FRMD4A: variants seen among roughly 807,000 people sequenced by gnomAD.
FRMD4A encodes FERM domain-containing protein 4A.
A neutral mutation model predicts 129.1 loss-of-function variants in FRMD4A; 29 were observed. The ratio of observed to expected loss-of-function variants is 0.22; its 90% CI spans 0.17 to 0.31. The LOEUF (loss-of-function observed/expected upper bound fraction) is 0.31, where lower values mean the gene tolerates loss of function less well. Ranked by LOEUF, FRMD4A falls within the 10% of genes least tolerant of loss-of-function variation. The pLI, the probability that FRMD4A is intolerant of heterozygous loss-of-function variation, is 1.00. For synonymous variants in FRMD4A, 634 were observed against 571.6 expected, an observed-to-expected ratio of 1.11 and a Z score of -1.56; for missense variants, 1,272 against 1,375.8, an observed-to-expected ratio of 0.92 and a Z score of 1.19.
chr10:14,089,648 A>AC (rs1234655551), intron 2 of FRMD4A, among the ~76,000 whole-genome samples: 2 of 151,740 alleles, frequency 1.3e-5, no homozygotes, highest in African/African-American at 4.8e-5. Flanking sequence ...AACAAACAAA[A>AC]AAAAAACAGA....
chr10:13,963,820 C>A (rs985222922), intron 2 of FRMD4A, among the ~76,000 whole-genome samples: 1 of 152,156 alleles, frequency 6.6e-6, no homozygotes, highest in Non-Finnish European at 1.5e-5. Context: ...TAGGTCATTG[C>A]AGGCCTGGCT....
intron 2 of FRMD4A, among the ~76,000 whole-genome samples, chr10:13,900,647 G>A (rs568352617): frequency 7.2e-5 from 11 of 151,936 alleles, no homozygotes; most frequent in Non-Finnish European, 1.3e-4. Flanking sequence ...CTGTAATCCC[G>A]GGACTTTGGG....
chr10:13,686,168 C>A (rs1174366572), intron 15 of FRMD4A, among the ~76,000 whole-genome samples: 1 of 152,244 alleles, frequency 6.6e-6, no homozygotes, highest in Non-Finnish European at 1.5e-5. Flanking sequence ...CCCCTGGAAT[C>A]CTGTCCATTG....
chr10:14,283,036 G>A (rs1845572435), intron 2 of FRMD4A, among the ~76,000 whole-genome samples: 1 of 152,200 alleles, frequency 6.6e-6, no homozygotes, highest in Non-Finnish European at 1.5e-5. Context: ...CATTGCCACT[G>A]GACATTTAAG....
chr10:14,243,040 C>G (rs961340919), intron 2 of FRMD4A, among the ~76,000 whole-genome samples: 3 of 109,068 alleles, frequency 2.8e-5, no homozygotes, highest in Non-Finnish European at 4.0e-5. Flanking sequence ...GTCTGTCTAT[C>G]TATCTGTCCA....
At chr10:13,736,817 CG>C (rs1177895766) in intron 12 of FRMD4A, among the ~76,000 whole-genome samples, 1 of 152,188 alleles carries the variant, frequency 6.6e-6, no homozygotes, top group African/African-American at 2.4e-5. Context: ...TATTCTCCAC[CG>C]GGGGATCTGA....
At position 14,330,136 on chromosome 10, in the gene FRMD4A, G is replaced by T; in HGVS notation, c.-34C>A. The T allele has an allele frequency of 1.3e-6, 2 of 1,550,332 alleles. No homozygotes were observed. Among genetic ancestry groups the T allele is most frequent in the Non-Finnish European group, 8.7e-7 (1 of 1,146,244 alleles). On this transcript the variant is annotated 5_prime_UTR_variant, in exon 2 of 25. It introduces an in-frame stop codon into an upstream open reading frame of the 5' UTR. Coordinates refer to ENST00000357447, the MANE Select transcript of FRMD4A (RefSeq NM_018027.5). ...ATTCCCATGCACGAATCCTGCTGCC[G>T]AGTCAGTCCTCCTGGGCCCCGGGTG...
intron 2 of FRMD4A, among the ~76,000 whole-genome samples, chr10:14,090,122 G>A (rs1438303341): frequency 6.6e-6 from 1 of 152,118 alleles, no homozygotes; most frequent in African/African-American, 2.4e-5. Flanking sequence ...AGAAATAACC[G>A]TAAGGGAAAA....
rs555946512 is a variant in FRMD4A, at chr10:13,839,959, A to C, written c.111+18888T>G. On this transcript the variant is annotated intron_variant, in intron 3 of 24. Transcript: ENST00000357447. ...AAAGCAGAGGCCCATCCCAGGCAGC[A>C]CAGTGTGTCCCTATAAAAATGACGG... Among the ~76,000 whole-genome samples the C allele has an allele frequency of 5.3e-5, 8 of 152,348 alleles. No individual in the cohort carries two copies. In the East Asian group the frequency reaches 1.2e-3, roughly 22 times the overall value.
chr10:14,122,650 C>A (rs1194195633), intron 2 of FRMD4A, among the ~76,000 whole-genome samples: 1 of 151,918 alleles, frequency 6.6e-6, no homozygotes, highest in Non-Finnish European at 1.5e-5. Context: ...GATTAGTTCT[C>A]GCGAGACCTC....
chr10:13,837,021 TGCTGGGATTACA>T (rs2130959784), intron 3 of FRMD4A, among the ~76,000 whole-genome samples: 1 of 152,144 alleles, frequency 6.6e-6, no homozygotes, highest in Non-Finnish European at 1.5e-5. Context: ...CCTCTCAAAG[TGCTGGGATTACA>T]GGCATGAGCC....
intron 8 of FRMD4A, among the ~76,000 whole-genome samples, chr10:13,760,593 T>C (rs181214376): frequency 6.6e-6 from 1 of 152,122 alleles, no homozygotes; most frequent in Non-Finnish European, 1.5e-5. Flanking sequence ...GAGAAAGCAG[T>C]TGAGACCTGA....
At chr10:13,823,596 T>C (rs182305844) in intron 3 of FRMD4A, among the ~76,000 whole-genome samples, 5 of 152,274 alleles carry the variant, frequency 3.3e-5, no homozygotes, top group African/African-American at 9.6e-5. Context: ...TTTTTTGTTG[T>C]TGTTGTTAAA....
intron 2 of FRMD4A, among the ~76,000 whole-genome samples, chr10:14,021,252 TG>T (rs1367581473): frequency 3.3e-5 from 5 of 151,968 alleles, no homozygotes. Context: ...ATATAAAAGC[TG>T]GGGGGTCCAG....
chr10:13,782,140 AT>A (rs749502560), intron 6 of FRMD4A, among the ~76,000 whole-genome samples: 8 of 130,282 alleles, frequency 6.1e-5, no homozygotes, highest in South Asian at 2.3e-4. Context: ...GCATTTTACA[AT>A]TTTTTTTAAA....
intron 6 of FRMD4A, among the ~76,000 whole-genome samples, chr10:13,776,103 C>T (rs1024903467): frequency 5.3e-5 from 8 of 151,792 alleles, no homozygotes; most frequent in African/African-American, 1.9e-4. Flanking sequence ...AATCTACATC[C>T]TTATTTTTTT....
intron 15 of FRMD4A, among the ~76,000 whole-genome samples, chr10:13,682,855 G>A (rs944993094): frequency 2.0e-5 from 3 of 152,038 alleles, no homozygotes; most frequent in African/African-American, 7.2e-5. Context: ...GGCTGAACTG[G>A]GAGTCTAACT....
At chr10:13,921,322 T>C (rs775605745) in intron 2 of FRMD4A, among the ~76,000 whole-genome samples, 1 of 115,492 alleles carries the variant, frequency 8.7e-6, no homozygotes, top group Non-Finnish European at 1.8e-5. Context: ...GAGTGGAGTG[T>C]GCAATCATGA....
intron 2 of FRMD4A, among the ~76,000 whole-genome samples, chr10:13,868,659 C>G (rs2094403407): frequency 2.0e-5 from 3 of 152,058 alleles, no homozygotes; most frequent in African/African-American, 7.2e-5. Flanking sequence ...ATTAGCAGGG[C>G]ATGGCGGTGT....
Sources: allele counts gnomAD v4.1 joint callset (sites outside exome capture counted in the v4.1 genomes callset), GRCh38; gene constraint gnomAD v4.1.1; transcripts MANE v1.5; gene names NCBI Gene and HGNC (gene_info 2026-07-23, HGNC 2026-07-21).